KIAA0319L: variants seen among roughly 807,000 people sequenced by gnomAD.
KIAA0319L encodes KIAA0319 like.
KIAA0319L carries 55 observed loss-of-function variants against 120.1 expected under a neutral mutation model. The observed-to-expected ratio is 0.46, with a 90% CI of 0.37 to 0.57. The LOEUF (loss-of-function observed/expected upper bound fraction) is 0.57, where lower values mean the gene tolerates loss of function less well. KIAA0319L is among the 20% of genes least tolerant of loss of function. The pLI, the probability that KIAA0319L is intolerant of heterozygous loss-of-function variation, is 0.00. For missense variants in KIAA0319L, 1,049 were observed against 1,255.3 expected, an observed-to-expected ratio of 0.84 and a Z score of 2.48; for synonymous variants, 398 against 471.9, an observed-to-expected ratio of 0.84 and a Z score of 2.03.
intron 2 of KIAA0319L, among the ~76,000 whole-genome samples, chr1:35,526,516 G>A (rs1308899843): frequency 6.7e-6 from 1 of 149,770 alleles, no homozygotes; most frequent in African/African-American, 2.5e-5. Context: ...TCCAATCTTA[G>A]CTCACTGCAG....
At chr1:35,493,476 T>C (rs376875225) in intron 3 of KIAA0319L, among the ~76,000 whole-genome samples, 2 of 152,050 alleles carry the variant, frequency 1.3e-5, no homozygotes, top group African/African-American at 4.8e-5. Context: ...GTACAGATCT[T>C]GCACATTTTT....
chr1:35,504,203 C>CA (rs1558509956), intron 3 of KIAA0319L, among the ~76,000 whole-genome samples: 11 of 127,192 alleles, frequency 8.6e-5, no homozygotes. Context: ...ATTTTCTTCC[C>CA]TTTTTTTTTT....
intron 2 of KIAA0319L, among the ~76,000 whole-genome samples, chr1:35,527,327 G>A (rs1483872512): frequency 6.6e-6 from 1 of 152,024 alleles, no homozygotes; most frequent in African/African-American, 2.4e-5. Context: ...TGTTCACTGG[G>A]GATATTGACC....
At chr1:35,521,502 T>G (rs1411662772) in intron 2 of KIAA0319L, among the ~76,000 whole-genome samples, 1 of 149,214 alleles carries the variant, frequency 6.7e-6, no homozygotes. Context: ...GGCATGGTGG[T>G]GGGCACCTGC....
intron 15 of KIAA0319L, 72 bp from the exon 16 acceptor site, chr1:35,448,404 C>T (rs760706252): frequency 8.5e-6 from 12 of 1,408,150 alleles, no homozygotes; most frequent in Non-Finnish European, 1.2e-5. Flanking sequence ...TGTGCATTTG[C>T]TTTGGCACAG....
chr1:35,557,019 GGGTTCAGCCT>G (rs1214188212), intron 1 of KIAA0319L, 178 bp downstream of exon 1: 1 of 152,588 alleles, frequency 6.6e-6, no homozygotes, highest in Non-Finnish European at 1.5e-5. Flanking sequence ...GAGAGAAGCG[GGGTTCAGCCT>G]GGGACCCAAG....
intron 2 of KIAA0319L, among the ~76,000 whole-genome samples, chr1:35,549,049 TC>T (rs1288582864): frequency 6.6e-6 from 1 of 150,850 alleles, no homozygotes; most frequent in Non-Finnish European, 1.5e-5. Flanking sequence ...GTGCGTTGCA[TC>T]TTTTTTTTTT....
chr1:35,487,605 T>C (rs896691249), intron 3 of KIAA0319L, among the ~76,000 whole-genome samples: 1 of 152,216 alleles, frequency 6.6e-6, no homozygotes, highest in Non-Finnish European at 1.5e-5. Context: ...CCAGAGATTT[T>C]ACTCAGATTT....
chr1:35,482,858 T>C (rs1315974409), intron 3 of KIAA0319L, among the ~76,000 whole-genome samples: 1 of 152,246 alleles, frequency 6.6e-6, no homozygotes, highest in African/African-American at 2.4e-5. Flanking sequence ...TGTTATGACA[T>C]AATATAGTAC....
chr1:35,442,770 C>G (rs1267379079), intron 18 of KIAA0319L, 136 bp downstream of exon 18: 22 of 1,048,530 alleles, frequency 2.1e-5, no homozygotes, highest in Non-Finnish European at 3.1e-5. Flanking sequence ...AAGTAAAAGT[C>G]CTCTGCAAAC....
At chr1:35,557,414 C>G, upstream of KIAA0319L, 1 of 317,326 alleles carries the variant, frequency 3.2e-6, no homozygotes, top group South Asian at 2.2e-5. Context: ...ACCGCCTCCT[C>G]CCACCTCCCC....
chr1:35,530,908 G>A (rs1646340896), intron 2 of KIAA0319L, among the ~76,000 whole-genome samples: 1 of 152,222 alleles, frequency 6.6e-6, no homozygotes, highest in South Asian at 2.1e-4. Context: ...GGCTACAGTT[G>A]TTAGTGGGCA....
intron 1 of KIAA0319L, among the ~76,000 whole-genome samples, chr1:35,555,223 A>G (rs1036520245): frequency 2.0e-5 from 3 of 152,162 alleles, no homozygotes; most frequent in Admixed American, 6.5e-5. Context: ...AAACTTTGCT[A>G]TATTGTCTAA....
chr1:35,531,379 C>G (rs1646361207), intron 2 of KIAA0319L, among the ~76,000 whole-genome samples: 1 of 152,146 alleles, frequency 6.6e-6, no homozygotes, highest in South Asian at 2.1e-4. Flanking sequence ...GCCCTCTAGG[C>G]AGATACGAGG....
intron 9 of KIAA0319L, among the ~76,000 whole-genome samples, 172 bp downstream of exon 9, chr1:35,460,130 ATTG>A (rs1277833911): frequency 3.3e-5 from 5 of 152,234 alleles, no homozygotes; most frequent in Non-Finnish European, 5.9e-5. Context: ...AAAAGTTACC[ATTG>A]TTGTAATCAC....
rs1646431046 is a variant in KIAA0319L at position 35,532,998 on chromosome 1, A to AT, written c.142+21351dup. 3 of 152,346 alleles carry AT rather than the reference A, an allele frequency of 2.0e-5. No individual in the cohort carries two copies. The South Asian group carries it at 6.2e-4, about 32-fold the overall frequency. 9.4% of individuals were successfully genotyped at this position (152,346 alleles called of 1,614,324 possible). A position where few individuals can be genotyped will look rare whatever the true frequency, so the allele number is the denominator to read the frequency against. ...ACATCACCACCTCTCAAAAGACAGA[A>AT]TTCTAATATATCTGGCACAAAATCT... On this transcript the variant is annotated intron_variant, in intron 2 of 20. Transcript: ENST00000325722.
intron 2 of KIAA0319L, chr1:35,533,016 C>G (rs1646431464): frequency 6.6e-6 from 1 of 152,166 alleles, no homozygotes; most frequent in African/African-American, 2.4e-5. Flanking sequence ...ATATCTGGCA[C>G]AAAATCTAGA....
At chr1:35,441,021 G>A in intron 20 of KIAA0319L, 26 bp downstream of exon 20, 1 of 1,582,434 alleles carries the variant, frequency 6.3e-7, no homozygotes. Flanking sequence ...CACAGACCTA[G>A]AAGCTCTGGC....
chr1:35,504,387 A>G lies in KIAA0319L; in HGVS notation c.666+2225T>C, dbSNP rs576489316. Among the ~76,000 whole-genome samples the G allele has an allele frequency of 2.3e-3, 343 of 151,924 alleles. 1 individual carries two copies. Among genetic ancestry groups the G allele is most frequent in the African/African-American group, 7.1e-3 (296 of 41,446 alleles). ...AACTTTTTGTATTTTTAGTAGAGAC[A>G]AGGTTTCACCGTGTTATCCAGAATG... On this transcript the variant is annotated intron_variant, in intron 3 of 20. Coordinates refer to ENST00000325722, the MANE Select transcript of KIAA0319L (RefSeq NM_024874.5).
Sources: gnomAD v4.1 joint callset for allele counts (sites outside exome capture counted in the v4.1 genomes callset) on GRCh38, gnomAD v4.1.1 for gene constraint, MANE v1.5 for transcripts, NCBI Gene and HGNC (gene_info 2026-07-23, HGNC 2026-07-21) for gene names.